The following FANCI variants were observed in gnomAD, a reference collection of about 807,000 sequenced individuals.
FANCI encodes the protein FA complementation group I, also known as Fanconi anemia group I protein.
Under a neutral mutation model 176.1 loss-of-function variants are expected in FANCI, and 156 were observed. That is an observed-to-expected ratio of 0.89 (90% CI 0.78 to 1.01). FANCI has a LOEUF of 1.01. Among genes scored for constraint, FANCI ranks in the 50% least tolerant of loss-of-function variants. The probability of loss-of-function intolerance (pLI) is 0.00; values close to 1 mark genes in which losing one functional copy is unlikely to be tolerated. For synonymous variants in FANCI, 613 were observed against 541.7 expected (o/e 1.13, Z -1.83); for missense variants, 1,678 against 1,534.1 (o/e 1.09, Z -1.57).
chr15:89,305,043 T>G (rs1030999073), intron 28 of FANCI, 72 bp from the exon 29 acceptor site: 1 of 1,588,330 alleles, frequency 6.3e-7, no homozygotes, highest in Admixed American at 1.7e-5. Flanking sequence ...CCCAAAGTGC[T>G]GGGATTACAG....
chr15:89,290,487 T>C, intron 19 of FANCI: 1 of 571,722 alleles, frequency 1.7e-6, no homozygotes, highest in Non-Finnish European at 3.1e-6. Flanking sequence ...CATCTAGCAG[T>C]TATCCTTGTG....
intron 12 of FANCI, among the ~76,000 whole-genome samples, chr15:89,275,133 G>A (rs1005034681): frequency 8.2e-6 from 1 of 121,980 alleles, no homozygotes; most frequent in African/African-American, 3.0e-5. Context: ...TCACTATGTT[G>A]CCCAGGCTAG....
At chr15:89,315,247 T>G (rs368000211) in intron 36 of FANCI, 35 bp from the exon 37 acceptor site, 1 of 1,478,100 alleles carries the variant, frequency 6.8e-7, no homozygotes, top group South Asian at 1.1e-5. Context: ...GACCTATGAG[T>G]AGGGAGATGT....
intron 37 of FANCI, chr15:89,316,176 A>G: frequency 1.7e-6 from 1 of 581,882 alleles, no homozygotes; most frequent in Non-Finnish European, 3.1e-6. Context: ...TCAGTATAGC[A>G]AAAGTCCTAA....
chr15:89,260,648 G>A (rs907182130), intron 3 of FANCI, 65 bp from the exon 4 acceptor site: 15 of 1,597,158 alleles, frequency 9.4e-6, no homozygotes, highest in Admixed American at 1.7e-5. Flanking sequence ...AAACCTGTTC[G>A]TTTTTCCTAT....
chr15:89,294,092 G>A lies in FANCI; in HGVS notation c.2456+95G>A, dbSNP rs913559168. On this transcript the variant is annotated intron_variant, in intron 23 of 37. Transcript: ENST00000310775. ...TTTCACCTCGTTTGGATTGTTTACA[G>A]TAAGAAATAAGTCAGGAGGTTTTAT... 59 of 1,391,232 alleles carry A rather than the reference G, an allele frequency of 4.2e-5. No individual in the cohort carries two copies. In the African/African-American group the frequency reaches 8.0e-4, roughly 19 times the overall value. 86.2% of individuals were successfully genotyped at this position (1,391,232 alleles called of 1,614,324 possible). A position where few individuals can be genotyped will look rare whatever the true frequency, so the allele number is the denominator to read the frequency against.
chr15:89,274,040 T>C (rs895480954), intron 11 of FANCI, 128 bp from the exon 12 acceptor site: 1 of 717,946 alleles, frequency 1.4e-6, no homozygotes, highest in Non-Finnish European at 2.3e-6. Flanking sequence ...ATAGGAACAG[T>C]TATAAGGTTA....
chr15:89,260,930 C>T lies in FANCI; in HGVS notation c.288+87C>T. 4 of 1,495,660 alleles carry T rather than the reference C, an allele frequency of 2.7e-6. No homozygotes were observed. The South Asian group carries it at 4.5e-5, about 17-fold the overall frequency. The allele number at this position is 1,495,660 out of a possible 1,614,324, so 92.6% of individuals were successfully genotyped here. A position where few individuals can be genotyped will look rare whatever the true frequency, so the allele number is the denominator to read the frequency against. On this transcript the variant is annotated intron_variant, in intron 4 of 37. Coordinates refer to ENST00000310775, the MANE Select transcript of FANCI (RefSeq NM_001113378.2). ...AGGGAAGGAAAACTTAAGTGCCCAA[C>T]CTAGCATAGTCCTTATTTATGAGTA... is the stretch of plus-strand genomic sequence containing the variant.
intron 24 of FANCI, among the ~76,000 whole-genome samples, chr15:89,295,395 G>C (rs1055272096): frequency 2.0e-5 from 3 of 150,020 alleles, no homozygotes; most frequent in African/African-American, 7.3e-5. Flanking sequence ...GCCAGACATG[G>C]CAGCTCATGC....
In FANCI at chr15:89,293,562, C is replaced by A. The variant is rs35626905; in HGVS notation, c.2292-271C>A. ...CTTAGCCAGGTGTTAGTGCCTGGGA[C>A]CTGTAGTCCTAGCTACTCGGGAGGC... On this transcript the variant is annotated intron_variant, in intron 22 of 37. Transcript: ENST00000310775. Among the ~76,000 whole-genome samples, 45,800 of 151,966 alleles carry A rather than the reference C, an allele frequency of 0.3. 8,384 individuals are homozygous for A. The highest frequency in any genetic ancestry group is 0.39 in the Non-Finnish European group (26,516 of 67,962).
chr15:89,309,993 C>T (rs1451359675), intron 34 of FANCI, among the ~76,000 whole-genome samples: 1 of 152,208 alleles, frequency 6.6e-6, no homozygotes, highest in Admixed American at 6.5e-5. Context: ...TACATCATCT[C>T]ATTCATCCTA....
rs148415946 is a variant in FANCI at position 89,292,792 on chromosome 15, C to T, written c.2097C>T (p.Tyr699=). The T allele has an allele frequency of 2.5e-5, 41 of 1,613,854 alleles. No individual in the cohort carries two copies. The highest frequency in any genetic ancestry group is 1.6e-4 in the African/African-American group (12 of 74,898). Residue 699 remains tyrosine, a synonymous_variant, in exon 21 of 38, where the codon TAC becomes TAT. Coordinates refer to ENST00000310775, the MANE Select transcript of FANCI (RefSeq NM_001113378.2). ...AAGAGGAGGAGGAAGAGGCATTCTA[C>T]GAAGACCTAGATGATATATTGGAGT... The part of the protein sequence containing the change: ...EEEEEEEEAF[Y]EDLDDILESI...
At chr15:89,293,714 T>G in intron 22 of FANCI, 119 bp from the exon 23 acceptor site, 2 of 1,036,478 alleles carry the variant, frequency 1.9e-6, no homozygotes, top group South Asian at 2.7e-5. Flanking sequence ...TTCTATTCAT[T>G]TATAATGTTA....
rs2055275218 is a variant in FANCI, at chr15:89,316,651, C to CTTT, written c.*192_*193insTTT. 3.5e-5 allele frequency: 42 copies of CTTT among 1,210,186 alleles called. No individual in the cohort carries two copies. Among genetic ancestry groups the CTTT allele is most frequent in the Admixed American group, 2.1e-4 (12 of 57,640 alleles). 75.0% of individuals were successfully genotyped at this position (1,210,186 alleles called of 1,614,324 possible). A position where few individuals can be genotyped will look rare whatever the true frequency, so the allele number is the denominator to read the frequency against. ...CTACTGAAAAATGGCTGGCCTTAGG[C>CTTT]AAGCCCTTTTGCAAAAAGCACAGCT... On this transcript the variant is annotated 3_prime_UTR_variant, in exon 38 of 38. Transcript: ENST00000310775.
intron 35 of FANCI, 125 bp from the exon 36 acceptor site, chr15:89,314,487 T>G: frequency 1.3e-6 from 1 of 764,856 alleles, no homozygotes. Flanking sequence ...GGTATACAAC[T>G]GCATTTGATT....
intron 34 of FANCI, among the ~76,000 whole-genome samples, chr15:89,309,414 G>A (rs995995740): frequency 1.3e-5 from 2 of 152,174 alleles, no homozygotes; most frequent in African/African-American, 4.8e-5. Flanking sequence ...TGCTCATACC[G>A]TATATCTCTC....
chr15:89,260,750 A>G lies in FANCI; in HGVS notation c.195A>G (p.Arg65=). 6.2e-7 allele frequency: 1 copy of G among 1,614,006 alleles called. No homozygotes were observed. Among genetic ancestry groups the G allele is most frequent in the Non-Finnish European group, 8.5e-7 (1 of 1,179,928 alleles). The change falls in exon 4 of 38, where the codon AGA becomes AGG. Residue 65 remains arginine (R), a synonymous_variant. Coordinates refer to ENST00000310775, the MANE Select transcript of FANCI (RefSeq NM_001113378.2). ...CTGAGGAAGCTGGAACACTTAGGAGACGTAAGATATACACTTGTTGTATCC... is the reference window on the plus strand; with the variant it reads ...CTGAGGAAGCTGGAACACTTAGGAGGCGTAAGATATACACTTGTTGTATCC... ...PCSEEAGTLR[R]RKIYTCCIQL...
intron 9 of FANCI, among the ~76,000 whole-genome samples, chr15:89,265,856 T>G (rs2052926694): frequency 6.6e-6 from 1 of 152,136 alleles, no homozygotes; most frequent in South Asian, 2.1e-4. Flanking sequence ...ATTTGTAGGA[T>G]GTTCATTCTG....
intron 17 of FANCI, among the ~76,000 whole-genome samples, chr15:89,284,174 C>T (rs1160551216): frequency 6.6e-6 from 1 of 152,138 alleles, no homozygotes; most frequent in African/African-American, 2.4e-5. Flanking sequence ...CTATTATTAT[C>T]CCATTTTCTT....
Sources: allele counts gnomAD v4.1 joint callset (sites outside exome capture counted in the v4.1 genomes callset), GRCh38; gene constraint gnomAD v4.1.1; transcripts MANE v1.5; gene names NCBI Gene and HGNC (gene_info 2026-07-23, HGNC 2026-07-21).